The following C1orf185 variants were observed in gnomAD, a reference collection of about 807,000 sequenced individuals.
C1orf185 encodes the protein chromosome 1 open reading frame 185.
Under a neutral mutation model 16.1 loss-of-function variants are expected in C1orf185, and 13 were observed. The ratio of observed to expected loss-of-function variants is 0.81; its 90% confidence interval spans 0.53 to 1.28. C1orf185 has a LOEUF of 1.28. Among genes scored for constraint, C1orf185 ranks in the 50% most tolerant of loss-of-function variants. The pLI is 0.00. For missense variants in C1orf185, 220 were observed against 225.2 expected (o/e 0.98, Z 0.15); for synonymous variants, 80 against 76.9 (o/e 1.04, Z -0.21).
At chr1:51,110,775 C>T (rs898105608) in intron 1 of C1orf185, among the ~76,000 whole-genome samples, 1 of 152,028 alleles carries the variant, frequency 6.6e-6, no homozygotes. Context: ...TAGAGACCAG[C>T]GTGGCCAACA....
chr1:51,122,737 G>A (rs2148018087), intron 3 of C1orf185, among the ~76,000 whole-genome samples: 1 of 152,234 alleles, frequency 6.6e-6, no homozygotes, highest in East Asian at 1.9e-4. Flanking sequence ...GTGCTTCTCT[G>A]ATTTATCCCT....
intron 1 of C1orf185, among the ~76,000 whole-genome samples, chr1:51,103,560 G>A (rs1372356748): frequency 6.9e-6 from 1 of 144,834 alleles, no homozygotes; most frequent in Non-Finnish European, 1.5e-5. Context: ...TTGAGACTGA[G>A]TTTCACTCAG....
At chr1:51,124,087 T>G (rs1023128028) in intron 3 of C1orf185, among the ~76,000 whole-genome samples, 53 of 147,880 alleles carry the variant, frequency 3.6e-4, no homozygotes, top group Non-Finnish European at 7.2e-4. Context: ...GTTTGTTTTT[T>G]TTTTTTTTTT....
rs141674647 is a variant in C1orf185 at position 51,126,244 on chromosome 1, A to G, written c.258+7443A>G. ...AGTATAACCAGAGTGAACTGGTTCT[A>G]TAATTACATTGTTAGTTTTTATTAC... On this transcript the variant is annotated intron_variant, in intron 3 of 4. Transcript: ENST00000371759. Among the ~76,000 whole-genome samples the G allele has an allele frequency of 2.0e-3, 300 of 152,294 alleles. 1 individual carries two copies. The highest frequency in any genetic ancestry group is 6.9e-3 in the African/African-American group (286 of 41,548).
chr1:51,108,859 A>G (rs1422679295), intron 1 of C1orf185, among the ~76,000 whole-genome samples: 6 of 152,220 alleles, frequency 3.9e-5, no homozygotes, highest in African/African-American at 1.4e-4. Context: ...GCTATCGTGA[A>G]TAATGCTGCA....
At chr1:51,127,300 T>TG (rs1397347299) in intron 3 of C1orf185, among the ~76,000 whole-genome samples, 2 of 152,120 alleles carry the variant, frequency 1.3e-5, no homozygotes, top group Admixed American at 1.3e-4. Context: ...ATTTTTTTTT[T>TG]TGTGTGAGAT....
chr1:51,139,732 G>T (rs925080812), intron 3 of C1orf185, among the ~76,000 whole-genome samples: 1 of 151,976 alleles, frequency 6.6e-6, no homozygotes, highest in East Asian at 1.9e-4. Flanking sequence ...AAACTTGTAC[G>T]AACCATTATC....
chr1:51,124,548 G>A (rs533956079), intron 3 of C1orf185, among the ~76,000 whole-genome samples: 1 of 152,300 alleles, frequency 6.6e-6, no homozygotes, highest in Non-Finnish European at 1.5e-5. Context: ...TAATTCATAG[G>A]CAGCACATCC....
intron 1 of C1orf185, among the ~76,000 whole-genome samples, chr1:51,103,436 CACACACACACACAA>C (rs1288917015): frequency 6.7e-6 from 1 of 150,200 alleles, no homozygotes; most frequent in Admixed American, 6.6e-5. Context: ...CACACACACA[CACACACACACACAA>C]AAACCACGAA....
At chr1:51,139,677 C>A in intron 3 of C1orf185, among the ~76,000 whole-genome samples, 1 of 152,018 alleles carries the variant, frequency 6.6e-6, no homozygotes, top group East Asian at 1.9e-4. Context: ...AAATGGTGCC[C>A]CCTAGAGTTG....
At chr1:51,111,646 A>T (rs1475958425) in intron 1 of C1orf185, among the ~76,000 whole-genome samples, 1 of 151,984 alleles carries the variant, frequency 6.6e-6, no homozygotes, top group Non-Finnish European at 1.5e-5. Context: ...CAGCCTCCCG[A>T]GTAGCTGGGA....
At chr1:51,124,443 A>G (rs1646223390) in intron 3 of C1orf185, among the ~76,000 whole-genome samples, 1 of 152,202 alleles carries the variant, frequency 6.6e-6, no homozygotes, top group African/African-American at 2.4e-5. Flanking sequence ...ACTGGGGTTT[A>G]GCCTAGGAGA....
intron 2 of C1orf185, among the ~76,000 whole-genome samples, chr1:51,114,852 A>G (rs1646146482): frequency 6.6e-6 from 1 of 152,224 alleles, no homozygotes; most frequent in South Asian, 2.1e-4. Context: ...TTCAACAAAT[A>G]TACACCTATG....
At chr1:51,138,211 AATAT>A (rs1231867408) in intron 3 of C1orf185, among the ~76,000 whole-genome samples, 2 of 152,056 alleles carry the variant, frequency 1.3e-5, no homozygotes, top group Non-Finnish European at 2.9e-5. Flanking sequence ...ACAAGTTAAA[AATAT>A]ATATATATTT....
intron 1 of C1orf185, among the ~76,000 whole-genome samples, chr1:51,104,431 A>T (rs916075359): frequency 4.6e-5 from 7 of 152,206 alleles, no homozygotes; most frequent in African/African-American, 1.7e-4. Context: ...GTGAATATAG[A>T]CAGGCTGAGG....
rs192210157 is a variant in C1orf185 at position 51,119,414 on chromosome 1, T to C, written c.258+613T>C. On this transcript the variant is annotated intron_variant, in intron 3 of 4. Coordinates refer to ENST00000371759, the MANE Select transcript of C1orf185 (RefSeq NM_001136508.2). Reference sequence around the variant, plus strand: ...AGTGTTTGTTTTGTAGATAGATAAATAGTGACAAACTGATAGGTTGTCAGA... The same window carrying C: ...AGTGTTTGTTTTGTAGATAGATAAACAGTGACAAACTGATAGGTTGTCAGA... 9.8e-5 allele frequency among the ~76,000 whole-genome samples: 15 copies of C among 152,306 alleles called. No individual in the cohort carries two copies. In the East Asian group the frequency reaches 2.7e-3, roughly 27 times the overall value.
chr1:51,122,686 C>T (rs1220177982), intron 3 of C1orf185, among the ~76,000 whole-genome samples: 1 of 152,208 alleles, frequency 6.6e-6, no homozygotes, highest in African/African-American at 2.4e-5. Context: ...CATGTCATTA[C>T]AGTATCATAC....
rs112820432 is a variant in C1orf185 at position 51,138,728 on chromosome 1, C to T, written c.259-6996C>T. ...TTTAAGACAGAGTCTTGCTCTATCGCCCAGGCTGTAGTGCAGTGGTGCAAT... is the reference window on the plus strand; with the variant it reads ...TTTAAGACAGAGTCTTGCTCTATCGTCCAGGCTGTAGTGCAGTGGTGCAAT... On this transcript the variant is annotated intron_variant, in intron 3 of 4. Coordinates refer to ENST00000371759, the MANE Select transcript of C1orf185 (RefSeq NM_001136508.2). Among the ~76,000 whole-genome samples the T allele has an allele frequency of 6.7e-3, 1,021 of 152,054 alleles. 10 individuals are homozygous for T. Among genetic ancestry groups the T allele is most frequent in the African/African-American group, 0.024 (980 of 41,460 alleles).
At chr1:51,103,242 C>CA (rs1241205639) in intron 1 of C1orf185, among the ~76,000 whole-genome samples, 1 of 151,584 alleles carries the variant, frequency 6.6e-6, no homozygotes, top group Non-Finnish European at 1.5e-5. Flanking sequence ...TCCATCTCTA[C>CA]AAAAAATTTA....
Sources: gnomAD v4.1 joint callset for allele counts (sites outside exome capture counted in the v4.1 genomes callset) on GRCh38, gnomAD v4.1.1 for gene constraint, MANE v1.5 for transcripts, NCBI Gene and HGNC (gene_info 2026-07-23, HGNC 2026-07-21) for gene names.